Variants in RGS7 observed in about 807,000 individuals in gnomAD.
The protein encoded by RGS7 is regulator of G-protein signaling 7.
In RGS7, 27 loss-of-function variants were observed where a neutral mutation model predicts 81.1. That is an observed-to-expected ratio of 0.33 (90% CI 0.25 to 0.46). The LOEUF (loss-of-function observed/expected upper bound fraction) is 0.46, where lower values mean the gene tolerates loss of function less well. Among genes scored for constraint, RGS7 ranks in the 20% least tolerant of loss-of-function variants. The probability of loss-of-function intolerance (pLI) is 1.00; values close to 1 mark genes in which losing one functional copy is unlikely to be tolerated. For missense variants in RGS7, 396 were observed against 607.4 expected (o/e 0.65, Z 3.66); for synonymous variants, 208 against 207.7 (o/e 1.00, Z -0.01).
chr1:241,209,012 C>A (rs1437996983), intron 2 of RGS7, among the ~76,000 whole-genome samples: 2 of 152,212 alleles, frequency 1.3e-5, no homozygotes, highest in Non-Finnish European at 2.9e-5. Context: ...TCTGTCCATG[C>A]AGAAACTATG....
chr1:240,822,982 C>T (rs1050609249), intron 10 of RGS7: 1 of 528,696 alleles, frequency 1.9e-6, no homozygotes. Flanking sequence ...AGGGGCTATT[C>T]ATCATTTTGT....
At chr1:240,814,169 GTATATAAAAATTT>G (rs951801373) in intron 12 of RGS7, among the ~76,000 whole-genome samples, 5 of 152,184 alleles carry the variant, frequency 3.3e-5, no homozygotes, top group Non-Finnish European at 7.3e-5. Context: ...TTTTTTAAAT[GTATATAAAAATTT>G]TAAAAAGGGA....
intron 2 of RGS7, among the ~76,000 whole-genome samples, chr1:241,323,362 G>A (rs577053379): frequency 9.2e-5 from 14 of 152,318 alleles, no homozygotes; most frequent in Non-Finnish European, 2.1e-4. Context: ...AGCTAGAGAG[G>A]CGCCTGTCAG....
chr1:240,845,983 C>G (rs1386495587), intron 9 of RGS7, among the ~76,000 whole-genome samples: 2 of 152,126 alleles, frequency 1.3e-5, no homozygotes, highest in Non-Finnish European at 2.9e-5. Context: ...AATCTGTGTG[C>G]TTTTGAAACT....
intron 4 of RGS7, among the ~76,000 whole-genome samples, chr1:240,960,217 CTTT>C (rs750366747): frequency 1.1e-4 from 1 of 8,956 alleles, no homozygotes; most frequent in African/African-American, 3.8e-4. Flanking sequence ...TCTTCTTCTT[CTTT>C]TTTTTTTTTT....
At chr1:241,351,970 A>T (rs2083275805) in intron 2 of RGS7, among the ~76,000 whole-genome samples, 1 of 152,154 alleles carries the variant, frequency 6.6e-6, no homozygotes, top group Non-Finnish European at 1.5e-5. Context: ...CCCCAAGGTG[A>T]CCTAGAAATT....
intron 2 of RGS7, among the ~76,000 whole-genome samples, chr1:241,135,523 A>G (rs2067445211): frequency 1.3e-5 from 2 of 151,828 alleles, no homozygotes; most frequent in African/African-American, 4.8e-5. Flanking sequence ...AGAACCTTAC[A>G]CTCACCACTT....
intron 4 of RGS7, 84 bp from the exon 5 acceptor site, chr1:240,936,790 C>T (rs763376291): frequency 7.9e-6 from 8 of 1,017,252 alleles, no homozygotes; most frequent in Non-Finnish European, 1.2e-5. Context: ...TGTGTGGTTC[C>T]TTTTGTCAGA....
At chr1:240,849,955 G>A (rs185452445) in intron 9 of RGS7, among the ~76,000 whole-genome samples, 26 of 152,286 alleles carry the variant, frequency 1.7e-4, no homozygotes, top group Non-Finnish European at 1.2e-4. Flanking sequence ...TTCCGCACCC[G>A]TACTGGATTT....
At chr1:241,339,881 T>G (rs79231109) in intron 2 of RGS7, among the ~76,000 whole-genome samples, 3,527 of 152,246 alleles carry the variant, frequency 0.023, 89 homozygotes, top group African/African-American at 0.058. Context: ...GATAAATGGT[T>G]AGTGCCATTA....
At chr1:241,263,030 C>T (rs1359983521) in intron 2 of RGS7, among the ~76,000 whole-genome samples, 1 of 150,834 alleles carries the variant, frequency 6.6e-6, no homozygotes, top group Non-Finnish European at 1.5e-5. Context: ...AACCAGAAGG[C>T]TGAGGTTGCA....
At chr1:241,302,890 T>C (rs2079858621) in intron 2 of RGS7, among the ~76,000 whole-genome samples, 1 of 137,500 alleles carries the variant, frequency 7.3e-6, no homozygotes, top group Admixed American at 7.3e-5. Flanking sequence ...TTCTTTCTTT[T>C]TTAACACCAC....
chr1:241,019,527 C>T (rs922538537), intron 3 of RGS7, among the ~76,000 whole-genome samples: 2 of 151,994 alleles, frequency 1.3e-5, no homozygotes, highest in Non-Finnish European at 2.9e-5. Flanking sequence ...CCGCAACAGG[C>T]CCCAGTGTGT....
intron 2 of RGS7, among the ~76,000 whole-genome samples, chr1:241,134,454 G>A (rs776361482): frequency 2.0e-5 from 3 of 152,170 alleles, no homozygotes; most frequent in Admixed American, 6.6e-5. Flanking sequence ...TATATAAAAT[G>A]CAATTATTAT....
At chr1:241,020,117 G>A (rs1405330377) in intron 3 of RGS7, among the ~76,000 whole-genome samples, 1 of 152,128 alleles carries the variant, frequency 6.6e-6, no homozygotes, top group Non-Finnish European at 1.5e-5. Context: ...GAAAAAATGG[G>A]TATAAGATGC....
intron 2 of RGS7, among the ~76,000 whole-genome samples, chr1:241,340,179 T>G (rs2082457744): frequency 6.6e-6 from 1 of 152,136 alleles, no homozygotes; most frequent in South Asian, 2.1e-4. Flanking sequence ...CCACATCGAT[T>G]AAAAGAAATA....
chr1:240,976,844 A>G (rs1374337034), intron 4 of RGS7, among the ~76,000 whole-genome samples: 1 of 122,058 alleles, frequency 8.2e-6, no homozygotes, highest in East Asian at 2.7e-4. Flanking sequence ...TCATTTATCT[A>G]TCATCTATCT....
intron 2 of RGS7, among the ~76,000 whole-genome samples, chr1:241,189,214 T>C (rs142855628): frequency 6.6e-6 from 1 of 152,334 alleles, no homozygotes; most frequent in Non-Finnish European, 1.5e-5. Context: ...TATTTTTATT[T>C]TACTGTTCTG....
intron 3 of RGS7, among the ~76,000 whole-genome samples, chr1:241,035,035 G>C (rs2060257587): frequency 6.6e-6 from 1 of 152,134 alleles, no homozygotes; most frequent in African/African-American, 2.4e-5. Context: ...CTGAACAGGA[G>C]AGATTGTGAA....
Sources: gnomAD v4.1 joint callset for allele counts (sites outside exome capture counted in the v4.1 genomes callset) on GRCh38, gnomAD v4.1.1 for gene constraint, MANE v1.5 for transcripts, NCBI Gene and HGNC (gene_info 2026-07-23, HGNC 2026-07-21) for gene names.